Variants in MAN2B1 observed in about 807,000 individuals in gnomAD.
MAN2B1 encodes lysosomal alpha-mannosidase.
A neutral mutation model predicts 127.5 loss-of-function variants in MAN2B1; 99 were observed. That is an observed-to-expected ratio of 0.78 (90% CI 0.66 to 0.92). The LOEUF is 0.92. MAN2B1 is among the 40% of genes least tolerant of loss of function. MAN2B1 has a pLI of 0.00. For missense variants in MAN2B1, 1,304 were observed against 1,384.8 expected, an observed-to-expected ratio of 0.94 and a Z score of 0.93; for synonymous variants, 573 against 568.8, an observed-to-expected ratio of 1.01 and a Z score of -0.11.
At chr19:12,651,184 A>G (rs1429492155) in intron 16 of MAN2B1, among the ~76,000 whole-genome samples, 1 of 152,104 alleles carries the variant, frequency 6.6e-6, no homozygotes, top group Non-Finnish European at 1.5e-5. Context: ...GCCCCATAGA[A>G]TAGGATTCTA....
At chr19:12,659,745 G>C (rs10406375) in intron 7 of MAN2B1, among the ~76,000 whole-genome samples, 2,907 of 152,186 alleles carry the variant, frequency 0.019, 95 homozygotes, top group African/African-American at 0.064. Flanking sequence ...CTAGAACCCA[G>C]GAGGCAGAGG....
rs1466117852 is a variant in MAN2B1 at position 12,658,357 on chromosome 19, G to T, written c.1110-13C>A. On this transcript the variant is annotated splice_polypyrimidine_tract_variant and intron_variant, in intron 8 of 23. Transcript: ENST00000456935. ...ATGTTTCACTGACCTACAGCGGCAG[G>T]GGCATTGAGGGCAGGGTCATGACCC... The T allele has an allele frequency of 1.2e-6, 2 of 1,614,084 alleles. No homozygotes were observed. Among genetic ancestry groups the T allele is most frequent in the East Asian group, 4.5e-5 (2 of 44,896 alleles).
Position 12,661,391 on chromosome 19 carries a change from G to A in MAN2B1, c.910-15C>T. 6.4e-7 allele frequency: 1 copy of A among 1,557,128 alleles called. No homozygotes were observed. The highest frequency in any genetic ancestry group is 8.9e-7 in the Non-Finnish European group (1 of 1,128,066). On this transcript the variant is annotated splice_polypyrimidine_tract_variant and intron_variant, in intron 6 of 23. Coordinates refer to ENST00000456935, the MANE Select transcript of MAN2B1 (RefSeq NM_000528.4). ...TAATACCGGCCCTGCAGGCAAGAGG[G>A]GAGTCCTGAAGCCAGAGGATCCTGG...
chr19:12,660,086 G>A (rs2024066704), intron 7 of MAN2B1, among the ~76,000 whole-genome samples: 1 of 152,110 alleles, frequency 6.6e-6, no homozygotes, highest in Admixed American at 6.6e-5. Flanking sequence ...TCTGTGTTGG[G>A]TAAAATGATA....
intron 1 of MAN2B1, 126 bp downstream of exon 1, chr19:12,666,417 C>A: frequency 9.1e-7 from 1 of 1,098,510 alleles, no homozygotes. Flanking sequence ...AGCACGCACT[C>A]AGACCACACT....
rs760151408 is a variant in MAN2B1 at position 12,650,235 on chromosome 19, G to A, written c.2047-13C>T. On this transcript the variant is annotated splice_polypyrimidine_tract_variant and intron_variant, in intron 16 of 23. Coordinates refer to ENST00000456935, the MANE Select transcript of MAN2B1 (RefSeq NM_000528.4). ...GCACCAAGGGTGTCTGCGGGCACAC[G>A]GGTGAGGTGGATGTCAGTCTGTACC... The A allele has an allele frequency of 2.0e-5, 31 of 1,548,746 alleles. No homozygotes were observed. The highest frequency in any genetic ancestry group is 2.7e-5 in the African/African-American group (2 of 73,678).
Position 12,648,407 on chromosome 19 carries a change from G to A in MAN2B1, c.2437-5C>T, listed in dbSNP as rs200695002. The A allele has an allele frequency of 6.2e-7, 1 of 1,607,984 alleles. No homozygotes were observed. The highest frequency in any genetic ancestry group is 8.5e-7 in the Non-Finnish European group (1 of 1,175,776). Reference sequence around the variant, plus strand: ...CTTCAGCAGCCTTCGGTGCACCTGGGGGGAGAGTGGCCAGGAGGGGGTGAG... The same window carrying A: ...CTTCAGCAGCCTTCGGTGCACCTGGAGGGAGAGTGGCCAGGAGGGGGTGAG... On this transcript the variant is annotated splice_polypyrimidine_tract_variant and splice_region_variant and intron_variant, in intron 20 of 23. Transcript: ENST00000456935.
chr19:12,658,411 C>T lies in MAN2B1; in HGVS notation c.1109+17G>A, dbSNP rs750188510. On this transcript the variant is annotated intron_variant, in intron 8 of 23. Coordinates refer to ENST00000456935, the MANE Select transcript of MAN2B1 (RefSeq NM_000528.4). ...GGGCATGCCAACCCCCCCAAGCTCC[C>T]CAGTTTCCCCAAATACCAGGTGAGG... 6.2e-7 allele frequency: 1 copy of T among 1,614,228 alleles called. No homozygotes were observed. The highest frequency in any genetic ancestry group is 8.5e-7 in the Non-Finnish European group (1 of 1,180,044).
chr19:12,660,752 A>AC, intron 7 of MAN2B1: 1 of 101,596 alleles, frequency 9.8e-6, no homozygotes, highest in Non-Finnish European at 1.9e-5. Flanking sequence ...CTCAGGCTGG[A>AC]TTTTTTTTTT....
chr19:12,663,952 A>T (rs2024168903), intron 4 of MAN2B1, 117 bp from the exon 5 acceptor site: 2 of 1,344,902 alleles, frequency 1.5e-6, no homozygotes, highest in Admixed American at 1.8e-5. Context: ...TGCTAGGTCG[A>T]TGTGGTGGCT....
chr19:12,652,072 C>T, intron 16 of MAN2B1, 81 bp downstream of exon 16: 7 of 1,056,402 alleles, frequency 6.6e-6, no homozygotes, highest in East Asian at 2.4e-5. Context: ...CCTACCCTCA[C>T]TCTACACATG....
intron 13 of MAN2B1, chr19:12,656,143 T>G (rs1599348771): frequency 4.8e-6 from 2 of 417,668 alleles, no homozygotes; most frequent in Non-Finnish European, 8.6e-6. Flanking sequence ...TTGAGGCAGG[T>G]TCTCGGGGGA....
rs1166477711 is a variant in MAN2B1 at position 12,657,885 on chromosome 19, G to A, written c.1309+178C>T. ...CAGGAGAATGGCGTGAACACGGGAGGTGGAGCTTGCAGTGAGCCGAGATCG... is the reference window on the plus strand; with the variant it reads ...CAGGAGAATGGCGTGAACACGGGAGATGGAGCTTGCAGTGAGCCGAGATCG... On this transcript the variant is annotated intron_variant, in intron 10 of 23. Transcript: ENST00000456935. The A allele has an allele frequency of 6.0e-6, 4 of 670,016 alleles. No homozygotes were observed. The East Asian group carries it at 1.1e-4, about 18-fold the overall frequency. 41.5% of individuals were successfully genotyped at this position (670,016 alleles called of 1,614,324 possible).
chr19:12,649,087 G>T (rs748767803), intron 20 of MAN2B1, 49 bp downstream of exon 20: 6 of 1,504,950 alleles, frequency 4.0e-6, no homozygotes, highest in Non-Finnish European at 4.6e-6. Context: ...GTCCAGCAGG[G>T]GTCCAGGTTG....
rs146393241 is a variant in MAN2B1 at position 12,648,642 on chromosome 19, G to A, written c.2437-240C>T. On this transcript the variant is annotated intron_variant, in intron 20 of 23. Coordinates refer to ENST00000456935, the MANE Select transcript of MAN2B1 (RefSeq NM_000528.4). ...GGGGGCCTGGATATGGCACGCCAGA[G>A]CGTGGAGGGAGCCTGGGCAGGAGAT... 1.1e-3 allele frequency among the ~76,000 whole-genome samples: 165 copies of A among 152,316 alleles called. 1 individual carries two copies. The highest frequency in any genetic ancestry group is 2.6e-3 in the Admixed American group (40 of 15,302).
In MAN2B1 at chr19:12,649,195, C is replaced by T; in HGVS notation, c.2377G>A (p.Val793Met). 1.9e-6 allele frequency: 3 copies of T among 1,613,354 alleles called. No homozygotes were observed. The highest frequency in any genetic ancestry group is 2.5e-6 in the Non-Finnish European group (3 of 1,180,008). The change falls in exon 20 of 24, where the codon GTG (valine) becomes ATG (methionine). Residue 793 changes from valine (V) to methionine (M), a missense_variant. Physicochemically the swap from Val to Met is conservative, Grantham distance 21 (BLOSUM62 1). Coordinates refer to ENST00000456935, the MANE Select transcript of MAN2B1 (RefSeq NM_000528.4). ...CCCCCCTGGGAGCGGTCAGTCAGCA[C>T]AGTCAGCTGCATGTTTCCATCCTGG... is the stretch of plus-strand genomic sequence containing the variant. ...YITDGNMQLT[V>M]LTDRSQGGSS...
intron 9 of MAN2B1, 25 bp from the exon 10 acceptor site, chr19:12,658,166 G>T: frequency 6.2e-7 from 1 of 1,613,568 alleles, no homozygotes; most frequent in Non-Finnish European, 8.5e-7. Flanking sequence ...GTATGTTGGG[G>T]CGCCCAGCCT....
chr19:12,663,661 G>A (rs2024161212), intron 5 of MAN2B1, 42 bp downstream of exon 5: 8 of 1,582,512 alleles, frequency 5.1e-6, no homozygotes, highest in African/African-American at 1.3e-5. Flanking sequence ...CCTTCTGAGT[G>A]TGTGGCACCA....
At chr19:12,663,661 G>T (rs2024161212) in intron 5 of MAN2B1, 42 bp downstream of exon 5, 1 of 1,582,512 alleles carries the variant, frequency 6.3e-7, no homozygotes. Context: ...CCTTCTGAGT[G>T]TGTGGCACCA....
Sources: allele counts gnomAD v4.1 joint callset (sites outside exome capture counted in the v4.1 genomes callset), GRCh38; gene constraint gnomAD v4.1.1; transcripts MANE v1.5; gene names NCBI Gene and HGNC (gene_info 2026-07-23, HGNC 2026-07-21).